Variants in MYO3B observed in about 807,000 individuals in gnomAD.
MYO3B encodes myosin-IIIb.
A neutral mutation model predicts 174.6 loss-of-function variants in MYO3B; 156 were observed. The ratio of observed to expected loss-of-function variants is 0.89; its 90% CI spans 0.78 to 1.02. MYO3B has a LOEUF of 1.02. Ranked by LOEUF, MYO3B falls within the 50% of genes least tolerant of loss-of-function variation. The pLI is 0.00. For synonymous variants in MYO3B, 563 were observed against 569.1 expected (o/e 0.99, Z 0.15); for missense variants, 1,632 against 1,639.4 (o/e 1.00, Z 0.08).
chr2:170,353,279 A>G (rs931829981), intron 8 of MYO3B, among the ~76,000 whole-genome samples: 7 of 152,120 alleles, frequency 4.6e-5, no homozygotes, highest in Admixed American at 1.3e-4. Flanking sequence ...TCTTAAATTC[A>G]TGTTACCATG....
chr2:170,457,199 A>T (rs1683958296), intron 23 of MYO3B, among the ~76,000 whole-genome samples: 1 of 152,218 alleles, frequency 6.6e-6, no homozygotes, highest in African/African-American at 2.4e-5. Context: ...ATTAGTGTAC[A>T]CTCCTGTAGA....
chr2:170,262,997 T>G (rs1020626640), intron 7 of MYO3B, among the ~76,000 whole-genome samples: 2 of 152,172 alleles, frequency 1.3e-5, no homozygotes, highest in African/African-American at 2.4e-5. Context: ...ATTGCATCAT[T>G]AAATGACTTG....
At chr2:170,224,282 A>G (rs968726654) in intron 6 of MYO3B, among the ~76,000 whole-genome samples, 2 of 152,218 alleles carry the variant, frequency 1.3e-5, no homozygotes, top group African/African-American at 2.4e-5. Context: ...TTAAAGAGCT[A>G]TAGGAGGAAT....
chr2:170,467,709 A>C (rs1684730089), intron 25 of MYO3B, among the ~76,000 whole-genome samples: 1 of 151,998 alleles, frequency 6.6e-6, no homozygotes, highest in Non-Finnish European at 1.5e-5. Flanking sequence ...ACATGTGCCC[A>C]AAGTCATTTT....
intron 30 of MYO3B, among the ~76,000 whole-genome samples, chr2:170,532,576 G>C (rs1689420989): frequency 6.6e-6 from 1 of 152,106 alleles, no homozygotes; most frequent in Admixed American, 6.5e-5. Context: ...ACTTTGGGAG[G>C]CCAAGGTGGG....
intron 7 of MYO3B, among the ~76,000 whole-genome samples, chr2:170,323,820 G>A (rs1191072379): frequency 6.6e-6 from 1 of 152,094 alleles, no homozygotes; most frequent in Non-Finnish European, 1.5e-5. Context: ...GAATGACTCA[G>A]GCTTCAGAAA....
At chr2:170,499,552 A>G in intron 26 of MYO3B, 94 bp from the exon 27 acceptor site, 1 of 1,160,316 alleles carries the variant, frequency 8.6e-7, no homozygotes, top group Non-Finnish European at 1.2e-6. Context: ...TATTTATATC[A>G]TTGTTTTAAT....
At chr2:170,459,612 C>T (rs958245733) in intron 23 of MYO3B, among the ~76,000 whole-genome samples, 6 of 152,208 alleles carry the variant, frequency 3.9e-5, no homozygotes, top group African/African-American at 1.4e-4. Flanking sequence ...GCCCACCAGT[C>T]CCGGCGCCAC....
intron 7 of MYO3B, among the ~76,000 whole-genome samples, chr2:170,244,958 C>T (rs1333009832): frequency 6.6e-6 from 1 of 152,096 alleles, no homozygotes; most frequent in Non-Finnish European, 1.5e-5. Flanking sequence ...TTGAGGAACA[C>T]TGGATAATTG....
intron 23 of MYO3B, among the ~76,000 whole-genome samples, chr2:170,453,838 T>C (rs998821941): frequency 6.6e-5 from 10 of 152,206 alleles, no homozygotes; most frequent in Non-Finnish European, 1.5e-4. Flanking sequence ...GCTCAAACTT[T>C]CTCCCATTGG....
At chr2:170,632,557 A>C (rs1341409033) in intron 32 of MYO3B, among the ~76,000 whole-genome samples, 1 of 152,228 alleles carries the variant, frequency 6.6e-6, no homozygotes, top group Non-Finnish European at 1.5e-5. Context: ...ACACCCTAAC[A>C]TCACAATTAA....
At chr2:170,438,497 AACTTTATACT>A (rs1010389069) in intron 22 of MYO3B, among the ~76,000 whole-genome samples, 1 of 151,938 alleles carries the variant, frequency 6.6e-6, no homozygotes, top group African/African-American at 2.4e-5. Flanking sequence ...TTTTTGAGGA[AACTTTATACT>A]ACATTTTCCA....
At chr2:170,429,996 C>G (rs891494559) in intron 22 of MYO3B, among the ~76,000 whole-genome samples, 43 of 146,392 alleles carry the variant, frequency 2.9e-4, no homozygotes, top group African/African-American at 9.5e-4. Flanking sequence ...CTGTGCAGGT[C>G]CACTTATACA....
chr2:170,441,574 C>T (rs2094801162), intron 22 of MYO3B, among the ~76,000 whole-genome samples: 1 of 152,152 alleles, frequency 6.6e-6, no homozygotes, highest in African/African-American at 2.4e-5. Flanking sequence ...GCTGGTTGCC[C>T]ATTTTTATGG....
chr2:170,371,267 A>C (rs1237819762), intron 9 of MYO3B, among the ~76,000 whole-genome samples: 2 of 151,728 alleles, frequency 1.3e-5, no homozygotes, highest in Admixed American at 6.6e-5. Context: ...TTTACCATAG[A>C]AAATTGTAAC....
At chr2:170,273,280 C>T (rs1459270780) in intron 7 of MYO3B, among the ~76,000 whole-genome samples, 1 of 152,130 alleles carries the variant, frequency 6.6e-6, no homozygotes, top group Non-Finnish European at 1.5e-5. Context: ...GAGCAACCCA[C>T]CTGCATTTCT....
At chr2:170,364,308 G>T (rs776619635) in intron 8 of MYO3B, among the ~76,000 whole-genome samples, 1 of 152,034 alleles carries the variant, frequency 6.6e-6, no homozygotes, top group Non-Finnish European at 1.5e-5. Flanking sequence ...CCTAGCTCTT[G>T]TAAGAACCTT....
At chr2:170,336,774 TG>T (rs1313139010) in intron 8 of MYO3B, among the ~76,000 whole-genome samples, 2 of 152,164 alleles carry the variant, frequency 1.3e-5, no homozygotes, top group Non-Finnish European at 2.9e-5. Context: ...AAAATACATT[TG>T]GCCCCAGGGG....
At chr2:170,303,141 A>G (rs1297141917) in intron 7 of MYO3B, among the ~76,000 whole-genome samples, 1 of 152,168 alleles carries the variant, frequency 6.6e-6, no homozygotes, top group Admixed American at 6.5e-5. Context: ...ACTGTTGTAA[A>G]TGTTCCAACT....
Sources: allele counts gnomAD v4.1 joint callset (sites outside exome capture counted in the v4.1 genomes callset), GRCh38; gene constraint gnomAD v4.1.1; transcripts MANE v1.5; gene names NCBI Gene and HGNC (gene_info 2026-07-23, HGNC 2026-07-21).